The following GP6 variants were observed in gnomAD, a reference collection of about 807,000 sequenced individuals.
The protein encoded by GP6 is glycoprotein VI platelet.
In GP6, 45 loss-of-function variants were observed where a neutral mutation model predicts 37.3. That is an observed-to-expected ratio of 1.21 (90% CI 0.95 to 1.55). The LOEUF (loss-of-function observed/expected upper bound fraction) is 1.55, where lower values mean the gene tolerates loss of function less well. Ranked by LOEUF, GP6 falls within the 40% of genes most tolerant of loss-of-function variation. The pLI is 0.00. For missense variants in GP6, 813 were observed against 760.2 expected (o/e 1.07, Z -0.82); for synonymous variants, 340 against 316.4 (o/e 1.07, Z -0.79).
chr19:55,014,852 G>A lies in GP6; in HGVS notation c.1093C>T (p.Arg365Cys), dbSNP rs373596955. 23 of 1,613,984 alleles carry A rather than the reference G, an allele frequency of 1.4e-5. No individual in the cohort carries two copies. Among genetic ancestry groups the A allele is most frequent in the Non-Finnish European group, 1.7e-5 (20 of 1,179,998 alleles). The change falls in exon 8 of 8, where the codon CGT (arginine) becomes TGT (cysteine). Residue 365 changes from arginine (R) to cysteine (C), a missense_variant. Coordinates refer to ENST00000310373, the MANE Select transcript of GP6 (RefSeq NM_001083899.2). ...CCTCCTGCTTCCACGCTCCACACAC[G>A]CCAGTCTTTGAGTCGCCTCCCATGC...
At chr19:55,017,059 C>T (rs540242960) in intron 6 of GP6, among the ~76,000 whole-genome samples, 61 of 151,906 alleles carry the variant, frequency 4.0e-4, no homozygotes, top group African/African-American at 1.4e-3. Context: ...AACAAAAAAA[C>T]CATAAGACAT....
chr19:55,034,150 A>G lies in GP6; in HGVS notation c.35-1612T>C, dbSNP rs76805444. Among the ~76,000 whole-genome samples, 551 of 149,262 alleles carry G rather than the reference A, an allele frequency of 3.7e-3. 5 individuals carry two copies. The East Asian group carries it at 0.039, about 11-fold the overall frequency. Reference sequence around the variant, plus strand: ...TGTATGTATATGTATATATGTATGCATGTGTGTGTGTGTGTGTGTGTGTGT... The same window carrying G: ...TGTATGTATATGTATATATGTATGCGTGTGTGTGTGTGTGTGTGTGTGTGT... On this transcript the variant is annotated intron_variant, in intron 1 of 7. Transcript: ENST00000310373.
intron 5 of GP6, 126 bp from the exon 6 acceptor site, chr19:55,018,837 AAGAC>A (rs1201192554): frequency 1.3e-6 from 1 of 749,582 alleles, no homozygotes; most frequent in African/African-American, 1.7e-5. Context: ...ACAGACACTG[AAGAC>A]AGACAAATTC....
Position 55,015,694 on chromosome 19 carries a change from T to A in GP6, c.764A>T (p.Asp255Val). 1 of 1,579,272 alleles carries A rather than the reference T, an allele frequency of 6.3e-7. No individual in the cohort carries two copies. Among genetic ancestry groups the A allele is most frequent in the South Asian group, 1.1e-5 (1 of 90,380 alleles). The stretch of plus-strand genomic sequence containing the variant: ...GATGACTTACTCACCAGCTGGAGAG[T>A]CTGACTCCTTTGGACTGGCGGTGAT... Residue 255 changes from aspartate (D) to valine (V), a missense_variant, in exon 7 of 8, where the codon GAC becomes GTC. Asp to Val is a radical substitution (Grantham distance 152, BLOSUM62 -3). Coordinates refer to ENST00000310373, the MANE Select transcript of GP6 (RefSeq NM_001083899.2).
chr19:55,015,591 T>C, intron 7 of GP6, 92 bp downstream of exon 7: 5 of 811,640 alleles, frequency 6.2e-6, no homozygotes, highest in Non-Finnish European at 1.1e-5. Context: ...ACCCAAGATC[T>C]GAGAGCTGCA....
At chr19:55,036,639 C>T (rs1397756952) in intron 1 of GP6, among the ~76,000 whole-genome samples, 1 of 152,150 alleles carries the variant, frequency 6.6e-6, no homozygotes, top group Non-Finnish European at 1.5e-5. Flanking sequence ...GTTGAGGCTG[C>T]AGTGAGCCAT....
At chr19:55,017,327 G>C (rs1671189) in intron 6 of GP6, among the ~76,000 whole-genome samples, 45 of 152,152 alleles carry the variant, frequency 3.0e-4, no homozygotes, top group African/African-American at 1.1e-3. Context: ...ATGTTGGCCA[G>C]GCTGGTCTCC....
At chr19:55,024,280 A>ACACACATG (rs1555798746) in intron 5 of GP6, among the ~76,000 whole-genome samples, 32 of 30,398 alleles carry the variant, frequency 1.1e-3, no homozygotes, top group Admixed American at 2.9e-3. Flanking sequence ...ACGCATGCAC[A>ACACACATG]CACACACATA....
intron 6 of GP6, among the ~76,000 whole-genome samples, chr19:55,017,988 A>G (rs1286779031): frequency 6.6e-6 from 1 of 152,110 alleles, no homozygotes; most frequent in African/African-American, 2.4e-5. Context: ...GAATCGCTTG[A>G]ACCCGGGCAG....
intron 6 of GP6, among the ~76,000 whole-genome samples, chr19:55,018,362 C>T (rs1049961007): frequency 1.3e-5 from 2 of 152,242 alleles, no homozygotes; most frequent in African/African-American, 2.4e-5. Context: ...GGATCACAGC[C>T]GAGTCCAAAG....
intron 1 of GP6, among the ~76,000 whole-genome samples, chr19:55,034,751 G>A (rs948787430): frequency 9.5e-5 from 13 of 136,190 alleles, no homozygotes; most frequent in African/African-American, 3.0e-4. Context: ...ACACAAAGGC[G>A]GGATAGTTGT....
chr19:55,018,682 C>G lies in GP6; in HGVS notation c.694G>C (p.Val232Leu). The G allele has an allele frequency of 1.2e-6, 2 of 1,608,898 alleles. No individual in the cohort carries two copies. Among genetic ancestry groups the G allele is most frequent in the South Asian group, 2.2e-5 (2 of 90,990 alleles). ...GTGAAGACTTCGTTTGTGAATGAGA[C>G]GGTCAGTTCAGCGGTGGCTTCTGAG... Residue 232 changes from valine to leucine, a missense_variant, in exon 6 of 8, where the codon GTC becomes CTC. Coordinates refer to ENST00000310373, the MANE Select transcript of GP6 (RefSeq NM_001083899.2).
In GP6 at chr19:55,032,846, TGTTCGTGTTAGACACGGTGG is replaced by T. The variant is rs2074620439; in HGVS notation, c.35-328_35-309del. 2.4e-5 allele frequency: 12 copies of T among 490,614 alleles called. No homozygotes were observed. In the East Asian group the frequency reaches 3.7e-4, roughly 15 times the overall value. 30.4% of individuals were successfully genotyped at this position (490,614 alleles called of 1,614,324 possible). ...GGTGGCGTACTGCTCTCTGTGGACT[TGTTCGTGTTAGACACGGTGG>T]GCTCGTTCGTGTTAGACACGGTGGA... is the stretch of plus-strand genomic sequence containing the variant. On this transcript the variant is annotated intron_variant, in intron 1 of 7. Coordinates refer to ENST00000310373, the MANE Select transcript of GP6 (RefSeq NM_001083899.2).
intron 4 of GP6, among the ~76,000 whole-genome samples, chr19:55,026,511 T>C (rs578017894): frequency 6.6e-6 from 1 of 152,318 alleles, no homozygotes; most frequent in South Asian, 2.1e-4. Context: ...AATTTCCTTC[T>C]TTTTTAAGGC....
Position 55,027,767 on chromosome 19 carries a change from C to T in GP6, c.421G>A (p.Asp141Asn), listed in dbSNP as rs2146821699. 1 of 1,614,000 alleles carries T rather than the reference C, an allele frequency of 6.2e-7. No homozygotes were observed. The highest frequency in any genetic ancestry group is 8.5e-7 in the Non-Finnish European group (1 of 1,179,872). ...CCTTCCTTGTACAGAGCAAATTGGT[C>T]AAAGCCATACCGAGTCTGACACTGT... The change falls in exon 4 of 8, where the codon GAC becomes AAC. Residue 141 changes from aspartate to asparagine, a missense_variant. By Grantham distance (23) the Asp-to-Asn change is conservative (BLOSUM62 1). Coordinates refer to ENST00000310373, the MANE Select transcript of GP6 (RefSeq NM_001083899.2).
At chr19:55,023,744 T>C (rs1654418) in intron 5 of GP6, among the ~76,000 whole-genome samples, 115,460 of 152,100 alleles carry the variant, frequency 0.76, 44,617 homozygotes, top group Middle Eastern at 0.84. Flanking sequence ...GCATGAAATA[T>C]TGCTCAGCAA....
chr19:55,014,849 C>T lies in GP6; in HGVS notation c.1096G>A (p.Val366Met). Reference sequence around the variant, plus strand: ...TGCCCTCCTGCTTCCACGCTCCACACACGCCAGTCTTTGAGTCGCCTCCCA... The same window carrying T: ...TGCCCTCCTGCTTCCACGCTCCACATACGCCAGTCTTTGAGTCGCCTCCCA... The change falls in exon 8 of 8, where the codon GTG (valine) becomes ATG (methionine). Residue 366 changes from valine (V) to methionine (M), a missense_variant. By Grantham distance (21) the Val-to-Met change is conservative. Transcript: ENST00000310373. 2 of 1,614,120 alleles carry T rather than the reference C, an allele frequency of 1.2e-6. No homozygotes were observed. Among genetic ancestry groups the T allele is most frequent in the East Asian group, 2.2e-5 (1 of 44,892 alleles).
rs930521149 is a variant in GP6 at position 55,022,377 on chromosome 19, A to G, written c.664+2841T>C. 9.2e-5 allele frequency among the ~76,000 whole-genome samples: 14 copies of G among 152,098 alleles called. 1 individual carries two copies. The highest frequency in any genetic ancestry group is 1.5e-4 in the Non-Finnish European group (10 of 68,016). ...TCTATTTTCTGCATATGGCTAGCCA[A>G]TTCTCCCAGCACCATTTATTAACCC... On this transcript the variant is annotated intron_variant, in intron 5 of 7. Transcript: ENST00000310373.
chr19:55,020,194 C>G (rs1178764445), intron 5 of GP6, among the ~76,000 whole-genome samples: 1 of 99,630 alleles, frequency 1.0e-5, no homozygotes, highest in Admixed American at 1.2e-4. Flanking sequence ...GTGTGAGATG[C>G]ATTAATAAAC....
Sources: gnomAD v4.1 joint callset for allele counts (sites outside exome capture counted in the v4.1 genomes callset) on GRCh38, gnomAD v4.1.1 for gene constraint, MANE v1.5 for transcripts, NCBI Gene and HGNC (gene_info 2026-07-23, HGNC 2026-07-21) for gene names.